The following SESTD1 variants were observed in gnomAD, a reference collection of about 807,000 sequenced individuals.
The protein encoded by SESTD1 is SEC14 domain and spectrin repeat-containing protein 1.
Under a neutral mutation model 101.7 loss-of-function variants are expected in SESTD1, and 43 were observed. The observed-to-expected ratio is 0.42, with a 90% CI of 0.33 to 0.55. The LOEUF is 0.55. SESTD1 is among the 20% of genes least tolerant of loss of function. The probability of loss-of-function intolerance (pLI) is 0.07; values close to 1 mark genes in which losing one functional copy is unlikely to be tolerated. For missense variants in SESTD1, 647 were observed against 815.1 expected (o/e 0.79, Z 2.51); for synonymous variants, 283 against 286.8 (o/e 0.99, Z 0.13).
At chr2:179,218,882 G>A (rs1265502048) in intron 1 of SESTD1, among the ~76,000 whole-genome samples, 1 of 152,228 alleles carries the variant, frequency 6.6e-6, no homozygotes, top group African/African-American at 2.4e-5. Flanking sequence ...AGTCCAGGCA[G>A]TGGACATTTC....
At position 179,105,285 on chromosome 2, in the gene SESTD1, A is replaced by G. The variant is rs1384731144; in HGVS notation, c.*4614T>C. On this transcript the variant is annotated 3_prime_UTR_variant, in exon 18 of 18. Transcript: ENST00000428443. ...CTCACTAATATCCAATCCTAGTATG[A>G]TTTTCTTTTACTTGTGTCTATTAAC... 2.0e-5 allele frequency: 3 copies of G among 149,794 alleles called. No individual in the cohort carries two copies. The East Asian group carries it at 5.9e-4, about 29-fold the overall frequency. 9.3% of individuals were successfully genotyped at this position (149,794 alleles called of 1,614,324 possible). A position where few individuals can be genotyped will look rare whatever the true frequency, so the allele number is the denominator to read the frequency against.
chr2:179,214,779 A>G (rs1342993787), intron 1 of SESTD1, among the ~76,000 whole-genome samples: 2 of 135,402 alleles, frequency 1.5e-5, no homozygotes, highest in African/African-American at 5.8e-5. Flanking sequence ...AGAAATCACA[A>G]CAAACTGTCT....
At chr2:179,163,785 TCAA>T (rs997108671) in intron 5 of SESTD1, among the ~76,000 whole-genome samples, 4 of 152,170 alleles carry the variant, frequency 2.6e-5, no homozygotes, top group African/African-American at 9.6e-5. Context: ...ATATCATGGT[TCAA>T]CAAGTTTGAA....
chr2:179,230,194 C>T (rs916390793), intron 1 of SESTD1, among the ~76,000 whole-genome samples: 6 of 129,608 alleles, frequency 4.6e-5, no homozygotes, highest in Non-Finnish European at 1.6e-5. Context: ...AATGCGGTAG[C>T]GCGATCTCAG....
At chr2:179,214,526 C>T (rs1390889060) in intron 1 of SESTD1, among the ~76,000 whole-genome samples, 1 of 133,686 alleles carries the variant, frequency 7.5e-6, no homozygotes, top group African/African-American at 3.0e-5. Context: ...ACTTAGACTC[C>T]CACACAATAA....
In SESTD1 at chr2:179,178,792, A is replaced by T. The variant is rs183003183; in HGVS notation, c.165-2254T>A. On this transcript the variant is annotated intron_variant, in intron 3 of 17. Coordinates refer to ENST00000428443, the MANE Select transcript of SESTD1 (RefSeq NM_178123.5). ...ATTCTCATAATGTGATACTTTCTCA[A>T]CACTGGCATCTGTATCCCTGAGATG... Among the ~76,000 whole-genome samples, 19 of 152,318 alleles carry T rather than the reference A, an allele frequency of 1.2e-4. No homozygotes were observed. In the East Asian group the frequency reaches 2.5e-3, roughly 20 times the overall value.
intron 10 of SESTD1, among the ~76,000 whole-genome samples, chr2:179,128,878 T>TA (rs1240026616): frequency 3.9e-5 from 6 of 151,932 alleles, no homozygotes; most frequent in Non-Finnish European, 5.9e-5. Flanking sequence ...TATAGCAAAA[T>TA]AAAAAAACAC....
In SESTD1 at chr2:179,121,876, A is replaced by G. The variant is rs1167554543; in HGVS notation, c.1336T>C (p.Ser446Pro). Reference protein sequence around the residue: ...EKGQGLLDQISNQASWAYGKD... With the variant: ...EKGQGLLDQIPNQASWAYGKD... ...CCATAGGCCCAGGATGCCTGATTGG[A>G]GATCTGATCCAGGAGACCTTGACCT... Residue 446 changes from serine (S) to proline (P), a missense_variant, in exon 13 of 18, where the codon TCC becomes CCC. Ser to Pro is a moderately conservative substitution (Grantham distance 74). Around this residue, in one of 3 missense-constraint regions of SESTD1, gnomAD observed 476 missense variants for 562.6 expected, o/e 0.85. Transcript: ENST00000428443. 1 of 1,609,068 alleles carries G rather than the reference A, an allele frequency of 6.2e-7. No individual in the cohort carries two copies. The highest frequency in any genetic ancestry group is 1.3e-5 in the African/African-American group (1 of 74,504).
intron 1 of SESTD1, among the ~76,000 whole-genome samples, chr2:179,246,565 G>A (rs2047234659): frequency 6.6e-6 from 1 of 152,072 alleles, no homozygotes; most frequent in Non-Finnish European, 1.5e-5. Flanking sequence ...GGATACAGAA[G>A]AACTCAACAC....
At chr2:179,162,718 T>C (rs2045759408) in intron 5 of SESTD1, among the ~76,000 whole-genome samples, 1 of 151,698 alleles carries the variant, frequency 6.6e-6, no homozygotes, top group African/African-American at 2.4e-5. Flanking sequence ...CTGGGCACGG[T>C]GGCTCATGTC....
intron 3 of SESTD1, among the ~76,000 whole-genome samples, chr2:179,179,855 C>T (rs2046076885): frequency 6.6e-6 from 1 of 152,140 alleles, no homozygotes; most frequent in Non-Finnish European, 1.5e-5. Context: ...CAAACTGTTC[C>T]AGCCACACTA....
chr2:179,162,276 T>C lies in SESTD1; in HGVS notation c.369+9844A>G, dbSNP rs938294923. 7.2e-5 allele frequency among the ~76,000 whole-genome samples: 11 copies of C among 152,086 alleles called. No homozygotes were observed. The East Asian group carries it at 2.1e-3, about 29-fold the overall frequency. ...AAAAAAAACCATATTTTTTAAAAGA[T>C]AGTATTAAAAATATGATTCCTTCAT... On this transcript the variant is annotated intron_variant, in intron 5 of 17. Transcript: ENST00000428443.
At chr2:179,254,971 G>T (rs1185548588) in intron 1 of SESTD1, among the ~76,000 whole-genome samples, 2 of 152,030 alleles carry the variant, frequency 1.3e-5, no homozygotes, top group African/African-American at 2.4e-5. Context: ...ATCTGTTATG[G>T]TGATCTGTGA....
intron 1 of SESTD1, among the ~76,000 whole-genome samples, chr2:179,241,613 G>A (rs1186619669): frequency 2.7e-5 from 3 of 112,472 alleles, no homozygotes; most frequent in African/African-American, 1.0e-4. Context: ...AATATAGCAA[G>A]ACTCTCATCT....
At chr2:179,135,706 C>T (rs145102545) in intron 9 of SESTD1, among the ~76,000 whole-genome samples, 56 of 152,132 alleles carry the variant, frequency 3.7e-4, no homozygotes, top group African/African-American at 1.0e-3. Context: ...TAAGCTGAGA[C>T]TGCACCACTG....
At chr2:179,120,648 A>G (rs2044729025) in intron 13 of SESTD1, among the ~76,000 whole-genome samples, 1 of 152,266 alleles carries the variant, frequency 6.6e-6, no homozygotes, top group African/African-American at 2.4e-5. Flanking sequence ...GTATTCTCTG[A>G]ACTTTAAGTA....
intron 7 of SESTD1, 105 bp downstream of exon 7, chr2:179,149,192 C>T: frequency 1.5e-6 from 1 of 648,526 alleles, no homozygotes. Flanking sequence ...TGAATGAAGA[C>T]TTTGTTTACT....
At position 179,246,768 on chromosome 2, in the gene SESTD1, G is replaced by A. The variant is rs188646457; in HGVS notation, c.-26+17731C>T. ...ACAGAATCTCTTCTCCGACCAATAT[G>A]GACTCAAACTAGAAATCAATAACAG... is the stretch of plus-strand genomic sequence containing the variant. On this transcript the variant is annotated intron_variant, in intron 1 of 17. Transcript: ENST00000428443. Among the ~76,000 whole-genome samples the A allele has an allele frequency of 2.6e-5, 4 of 152,166 alleles. No homozygotes were observed. The East Asian group carries it at 7.7e-4, about 29-fold the overall frequency.
chr2:179,152,361 C>T (rs375547064), intron 5 of SESTD1, among the ~76,000 whole-genome samples: 20 of 152,198 alleles, frequency 1.3e-4, no homozygotes, highest in South Asian at 1.0e-3. Flanking sequence ...AGCGCATGTG[C>T]GAAATTTTTG....
Sources: gnomAD v4.1 joint callset for allele counts (sites outside exome capture counted in the v4.1 genomes callset) on GRCh38, gnomAD v4.1.1 for gene constraint, gnomAD v4.1.1 regional missense constraint, MANE v1.5 for transcripts, NCBI Gene and HGNC (gene_info 2026-07-23, HGNC 2026-07-21) for gene names.